Variants in RBFOX1 observed in about 807,000 individuals in gnomAD.
RBFOX1 encodes the protein RNA binding protein fox-1 homolog 1.
Under a neutral mutation model 57.7 loss-of-function variants are expected in RBFOX1, and 8 were observed. That is an observed-to-expected ratio of 0.14 (90% CI 0.08 to 0.25). The LOEUF is 0.25. RBFOX1 is among the 10% of genes least tolerant of loss of function. RBFOX1 has a pLI of 1.00. For missense variants in RBFOX1, 611 were observed against 548.5 expected (o/e 1.11, Z -1.14); for synonymous variants, 326 against 222.4 (o/e 1.47, Z -4.15).
intron 2 of RBFOX1, among the ~76,000 whole-genome samples, chr16:6,321,486 C>T (rs1437833710): frequency 3.3e-5 from 5 of 152,206 alleles, no homozygotes; most frequent in African/African-American, 1.2e-4. Context: ...CTTGAATTTA[C>T]CCTTGATCCA....
chr16:5,643,783 C>T lies in RBFOX1; in HGVS notation c.318+44822C>T, dbSNP rs569465995. On this transcript the variant is annotated intron_variant, in intron 3 of 19. Coordinates refer to the RBFOX1 transcript ENST00000641259. ...ACTGATTCTTGTGGAAGAAACTTTC[C>T]ATCCACTACTGTCCCCTAATCACAA... 1.9e-4 allele frequency among the ~76,000 whole-genome samples: 29 copies of T among 152,256 alleles called. No homozygotes were observed. The South Asian group carries it at 6.0e-3, about 32-fold the overall frequency.
At chr16:6,898,799 C>G (rs1288082942) in intron 3 of RBFOX1, among the ~76,000 whole-genome samples, 3 of 151,036 alleles carry the variant, frequency 2.0e-5, no homozygotes, top group East Asian at 2.0e-4. Flanking sequence ...ATGTGCGTGT[C>G]TGTATAACGT....
chr16:7,251,410 T>G (rs548567529), intron 4 of RBFOX1, among the ~76,000 whole-genome samples: 1 of 146,926 alleles, frequency 6.8e-6, no homozygotes, highest in Non-Finnish European at 1.5e-5. Context: ...TGTCCGTTTT[T>G]TTTTTTTTTT....
intron 2 of RBFOX1, among the ~76,000 whole-genome samples, chr16:6,481,265 A>G (rs2153096982): frequency 6.6e-6 from 1 of 152,300 alleles, no homozygotes; most frequent in African/African-American, 2.4e-5. Context: ...TTACAGCTGT[A>G]AATGTGGGCC....
intron 2 of RBFOX1, among the ~76,000 whole-genome samples, chr16:6,460,875 C>G (rs548641968): frequency 5.0e-4 from 73 of 145,766 alleles, no homozygotes; most frequent in African/African-American, 1.7e-3. Context: ...CAATGATAGA[C>G]TGGATAAAGA....
intron 3 of RBFOX1, among the ~76,000 whole-genome samples, chr16:5,828,321 G>T (rs575290909): frequency 1.2e-4 from 18 of 152,232 alleles, no homozygotes; most frequent in Non-Finnish European, 2.5e-4. Flanking sequence ...AGCTGCAAAG[G>T]GAATAAACAT....
chr16:6,332,306 C>A (rs1189249165), intron 2 of RBFOX1, among the ~76,000 whole-genome samples: 2 of 152,182 alleles, frequency 1.3e-5, no homozygotes, highest in African/African-American at 4.8e-5. Flanking sequence ...GTACCTGTCA[C>A]TGTGTGAGGC....
At chr16:7,600,144 G>C (rs1291528276) in intron 9 of RBFOX1, among the ~76,000 whole-genome samples, 1 of 152,100 alleles carries the variant, frequency 6.6e-6, no homozygotes, top group Non-Finnish European at 1.5e-5. Context: ...CATGCACTCA[G>C]TTTCCAGGAA....
At chr16:6,188,925 G>A (rs1213640517) in intron 1 of RBFOX1, among the ~76,000 whole-genome samples, 2 of 152,170 alleles carry the variant, frequency 1.3e-5, no homozygotes, top group East Asian at 3.8e-4. Flanking sequence ...TAATAAGAGA[G>A]GTTGAAAGAA....
At chr16:6,433,838 T>C (rs1597186802) in intron 2 of RBFOX1, among the ~76,000 whole-genome samples, 1 of 141,894 alleles carries the variant, frequency 7.0e-6, no homozygotes, top group East Asian at 2.1e-4. Flanking sequence ...CAACCTCTTT[T>C]CATTTTTCTT....
chr16:6,246,074 A>T (rs1404542493), intron 1 of RBFOX1, among the ~76,000 whole-genome samples: 1 of 152,162 alleles, frequency 6.6e-6, no homozygotes, highest in Non-Finnish European at 1.5e-5. Context: ...AGTAACAGAA[A>T]CCCAGTTTAC....
At chr16:7,223,255 G>A (rs1318359252) in intron 4 of RBFOX1, among the ~76,000 whole-genome samples, 6 of 152,202 alleles carry the variant, frequency 3.9e-5, no homozygotes, top group African/African-American at 1.4e-4. Context: ...AGACCTCTAG[G>A]GGAGTCTGCA....
intron 5 of RBFOX1, among the ~76,000 whole-genome samples, chr16:7,524,222 T>C (rs1007082585): frequency 1.6e-4 from 24 of 152,186 alleles, no homozygotes; most frequent in African/African-American, 5.6e-4. Context: ...ATCTAATATA[T>C]GCACATGATT....
chr16:5,843,684 A>T (rs984581590), intron 3 of RBFOX1, among the ~76,000 whole-genome samples: 2 of 152,238 alleles, frequency 1.3e-5, no homozygotes, highest in South Asian at 2.1e-4. Flanking sequence ...CAAGGTAGCC[A>T]TGTTATAGAT....
intron 3 of RBFOX1, among the ~76,000 whole-genome samples, chr16:5,846,715 A>G (rs1398090882): frequency 6.6e-6 from 1 of 152,200 alleles, no homozygotes; most frequent in Non-Finnish European, 1.5e-5. Flanking sequence ...GCTGAGCGCC[A>G]TTGCTCAGGT....
chr16:5,532,755 C>T (rs1597423907), intron 2 of RBFOX1, among the ~76,000 whole-genome samples: 1 of 152,200 alleles, frequency 6.6e-6, no homozygotes, highest in East Asian at 1.9e-4. Flanking sequence ...GGAATCTTCA[C>T]TCATCCAGGT....
In RBFOX1 at chr16:6,957,054, C is replaced by G. The variant is rs941832949; in HGVS notation, c.-15-95003C>G. Reference sequence around the variant, plus strand: ...GAATAGGCATATTCCATCGGCAGAGCAGCCCAAGGGCTGCTGGTTGCCCAT... The same window carrying G: ...GAATAGGCATATTCCATCGGCAGAGGAGCCCAAGGGCTGCTGGTTGCCCAT... On this transcript the variant is annotated intron_variant, in intron 3 of 15. Coordinates refer to ENST00000550418, the MANE Select transcript of RBFOX1 (RefSeq NM_018723.4). Among the ~76,000 whole-genome samples the G allele has an allele frequency of 2.9e-5, 4 of 139,918 alleles. 1 individual carries two copies. Among genetic ancestry groups the G allele is most frequent in the Middle Eastern group, 7.1e-3 (2 of 282 alleles). 91.8% of individuals were successfully genotyped at this position (139,918 alleles called of 152,430 possible).
intron 4 of RBFOX1, among the ~76,000 whole-genome samples, chr16:7,240,301 G>A (rs974729564): frequency 6.6e-6 from 1 of 152,096 alleles, no homozygotes; most frequent in Admixed American, 6.6e-5. Flanking sequence ...AATAATGAAT[G>A]TTTACGGAGC....
intron 1 of RBFOX1, chr16:5,270,646 C>G: frequency 1.8e-6 from 1 of 555,840 alleles, no homozygotes. Flanking sequence ...ATGCTCAGCA[C>G]CAACAGTCTG....
Sources: allele counts gnomAD v4.1 joint callset (sites outside exome capture counted in the v4.1 genomes callset), GRCh38; gene constraint gnomAD v4.1.1; transcripts MANE v1.5; gene names NCBI Gene and HGNC (gene_info 2026-07-23, HGNC 2026-07-21).